The following RNPS1 variants were observed in gnomAD, a reference collection of about 807,000 sequenced individuals.
RNPS1 encodes RNA binding protein with serine rich domain 1, also known as RNA-binding protein with serine-rich domain 1.
For missense variants in RNPS1, 300 were observed against 427.6 expected, an observed-to-expected ratio of 0.70 and a Z score of 2.63; for synonymous variants, 147 against 150.0, an observed-to-expected ratio of 0.98 and a Z score of 0.15.
At chr16:2,267,709 C>T (rs2093630800) in intron 1 of RNPS1, 18 of 1,233,366 alleles carry the variant, frequency 1.5e-5, no homozygotes, top group Middle Eastern at 3.2e-4. Flanking sequence ...CAGGGCAGGG[C>T]CTGGCGTTGG....
At chr16:2,260,128 T>A (rs976454471) in intron 6 of RNPS1, among the ~76,000 whole-genome samples, 1 of 150,730 alleles carries the variant, frequency 6.6e-6, no homozygotes, top group Admixed American at 6.6e-5. Context: ...TGGAAACTAT[T>A]TGTGTGTGTG....
At chr16:2,257,958 A>G (rs1383873787) in intron 6 of RNPS1, 2 of 152,250 alleles carry the variant, frequency 1.3e-5, no homozygotes, top group African/African-American at 4.8e-5. Flanking sequence ...CCTCAGTCAC[A>G]GCAGCAGGGA....
At chr16:2,264,506 C>T in intron 2 of RNPS1, 67 bp downstream of exon 2, 1 of 1,560,808 alleles carries the variant, frequency 6.4e-7, no homozygotes, top group South Asian at 1.1e-5. Context: ...TCAACTTTCC[C>T]CTTTCTGCGG....
chr16:2,267,926 C>A (rs2141601027), intron 1 of RNPS1, 129 bp downstream of exon 1: 3 of 1,529,592 alleles, frequency 2.0e-6, no homozygotes, highest in Non-Finnish European at 2.6e-6. Flanking sequence ...CTTCTCGGAG[C>A]CCGCACCGCG....
chr16:2,263,863 C>G, intron 3 of RNPS1: 1 of 328,514 alleles, frequency 3.0e-6, no homozygotes, highest in East Asian at 7.6e-5. Context: ...CAGATGCATG[C>G]CACCACGCTC....
In RNPS1 at chr16:2,264,337, T is replaced by C; in HGVS notation, c.72-6A>G. ...GTTTGGTAGGTGAAGGAGCCCTGGATGGTGAGGAAGAGTGTGAGATTGCGT... is the reference window on the plus strand; with the variant it reads ...GTTTGGTAGGTGAAGGAGCCCTGGACGGTGAGGAAGAGTGTGAGATTGCGT... On this transcript the variant is annotated splice_polypyrimidine_tract_variant and splice_region_variant and intron_variant, in intron 2 of 7. Coordinates refer to ENST00000320225, the MANE Select transcript of RNPS1 (RefSeq NM_080594.4). 3 of 1,614,140 alleles carry C rather than the reference T, an allele frequency of 1.9e-6. No homozygotes were observed. The highest frequency in any genetic ancestry group is 2.5e-6 in the Non-Finnish European group (3 of 1,180,030).
chr16:2,264,153 G>C (rs973576903), intron 3 of RNPS1, 23 bp downstream of exon 3: 1 of 1,611,804 alleles, frequency 6.2e-7, no homozygotes, highest in Non-Finnish European at 8.5e-7. Context: ...GTCCTCTCCA[G>C]GCTCCAGGCC....
intron 1 of RNPS1, chr16:2,264,985 T>C (rs1321373901): frequency 4.3e-6 from 1 of 230,070 alleles, no homozygotes. Context: ...TATCTTTTTC[T>C]TAAAAAATGG....
At chr16:2,263,619 A>T (rs906379568) in intron 3 of RNPS1, among the ~76,000 whole-genome samples, 2 of 152,124 alleles carry the variant, frequency 1.3e-5, no homozygotes, top group African/African-American at 2.4e-5. Context: ...GACCCAGGCT[A>T]GGTTGATTTT....
Position 2,253,844 on chromosome 16 carries a change from C to A in RNPS1, c.*120G>T. 1.1e-6 allele frequency: 1 copy of A among 902,036 alleles called. No homozygotes were observed. Among genetic ancestry groups the A allele is most frequent in the South Asian group, 1.4e-5 (1 of 71,142 alleles). 55.9% of individuals were successfully genotyped at this position (902,036 alleles called of 1,614,324 possible). A position where few individuals can be genotyped will look rare whatever the true frequency, so the allele number is the denominator to read the frequency against. ...GCTGGCAGAGGGGTGCTGCCTGCTG[C>A]CTGCAAATCCTGCCAGAGTCAAGGG... On this transcript the variant is annotated 3_prime_UTR_variant, in exon 8 of 8. Transcript: ENST00000320225.
At chr16:2,262,881 A>T in intron 4 of RNPS1, 39 bp from the exon 5 acceptor site, 2 of 1,562,332 alleles carry the variant, frequency 1.3e-6, no homozygotes, top group Non-Finnish European at 1.8e-6. Flanking sequence ...AATTTCTGTC[A>T]AGTCAAAATG....
chr16:2,267,710 C>G (rs2093630808), intron 1 of RNPS1: 1 of 1,235,046 alleles, frequency 8.1e-7, no homozygotes, highest in African/African-American at 1.6e-5. Context: ...AGGGCAGGGC[C>G]TGGCGTTGGG....
At chr16:2,266,485 C>A in intron 1 of RNPS1, 2 of 951,610 alleles carry the variant, frequency 2.1e-6, no homozygotes, top group Non-Finnish European at 2.5e-6. Flanking sequence ...AGTCACTTAT[C>A]CTTTCTCAAG....
chr16:2,267,555 C>T, intron 1 of RNPS1: 1 of 1,051,744 alleles, frequency 9.5e-7, no homozygotes, highest in Non-Finnish European at 1.1e-6. Flanking sequence ...TTAATGACTC[C>T]GAAGGGGGGA....
chr16:2,267,041 C>T (rs187457650), intron 1 of RNPS1: 78 of 462,564 alleles, frequency 1.7e-4, no homozygotes, highest in African/African-American at 1.5e-3. Flanking sequence ...TAAGATCTGC[C>T]CGAATGTACT....
chr16:2,266,624 A>C, intron 1 of RNPS1: 1 of 985,350 alleles, frequency 1.0e-6, no homozygotes, highest in African/African-American at 1.7e-5. Context: ...TCCCCCACAG[A>C]CACTTGTCTC....
intron 6 of RNPS1, among the ~76,000 whole-genome samples, chr16:2,259,044 A>G (rs2093590888): frequency 6.7e-6 from 1 of 149,710 alleles, no homozygotes; most frequent in Non-Finnish European, 1.5e-5. Context: ...AACTGCTTGA[A>G]CCCAGGAGGC....
intron 1 of RNPS1, 34 bp from the exon 2 acceptor site, chr16:2,264,794 C>T (rs2093618382): frequency 4.2e-6 from 6 of 1,445,084 alleles, no homozygotes; most frequent in South Asian, 1.4e-5. Flanking sequence ...AAAGAGTGAA[C>T]GAATTGGCAA....
intron 6 of RNPS1, among the ~76,000 whole-genome samples, chr16:2,260,302 T>C (rs182942568): frequency 6.6e-6 from 1 of 151,992 alleles, no homozygotes; most frequent in African/African-American, 2.4e-5. Context: ...ACCACAGGTG[T>C]GTGCCATCAT....
Sources: gnomAD v4.1 joint callset for allele counts (sites outside exome capture counted in the v4.1 genomes callset) on GRCh38, gnomAD v4.1.1 for gene constraint, MANE v1.5 for transcripts, NCBI Gene and HGNC (gene_info 2026-07-23, HGNC 2026-07-21) for gene names.